The following PLD5 variants were observed in gnomAD, a reference collection of about 807,000 sequenced individuals.
PLD5 encodes inactive phospholipase D5.
In PLD5, 36 loss-of-function variants were observed where a neutral mutation model predicts 61.1. The observed-to-expected ratio is 0.59, with a 90% CI of 0.45 to 0.78. The LOEUF is 0.78. Among genes scored for constraint, PLD5 ranks in the 30% least tolerant of loss-of-function variants. The probability of loss-of-function intolerance (pLI) is 0.00; values close to 1 mark genes in which losing one functional copy is unlikely to be tolerated. For missense variants in PLD5, 515 were observed against 644.4 expected, an observed-to-expected ratio of 0.80 and a Z score of 2.17; for synonymous variants, 243 against 242.8, an observed-to-expected ratio of 1.00 and a Z score of -0.01.
intron 1 of PLD5, among the ~76,000 whole-genome samples, chr1:242,441,476 T>TA (rs1482659501): frequency 2.0e-5 from 3 of 151,808 alleles, no homozygotes; most frequent in Non-Finnish European, 4.4e-5. Flanking sequence ...TTAGTAGTCA[T>TA]AAAAAAACTT....
At chr1:242,245,947 C>G (rs921202397) in intron 4 of PLD5, among the ~76,000 whole-genome samples, 16 of 152,122 alleles carry the variant, frequency 1.1e-4, no homozygotes, top group African/African-American at 3.6e-4. Flanking sequence ...GCCCAAGTTT[C>G]TTTGAAAAAT....
At chr1:242,412,331 G>T (rs1035279343) in intron 1 of PLD5, among the ~76,000 whole-genome samples, 1 of 152,138 alleles carries the variant, frequency 6.6e-6, no homozygotes, top group Non-Finnish European at 1.5e-5. Context: ...TCAGTTGGGG[G>T]CTTAGAATTT....
chr1:242,355,519 T>A (rs1660706863), intron 1 of PLD5, among the ~76,000 whole-genome samples: 1 of 151,948 alleles, frequency 6.6e-6, no homozygotes. Context: ...TAAAGGTTTG[T>A]CAAATTTGTT....
At chr1:242,507,231 T>C (rs1353874043) in intron 1 of PLD5, among the ~76,000 whole-genome samples, 1 of 152,192 alleles carries the variant, frequency 6.6e-6, no homozygotes, top group Non-Finnish European at 1.5e-5. Context: ...CAGCAGGCCT[T>C]TGGCATTTGG....
At chr1:242,481,588 C>G (rs948417069) in intron 1 of PLD5, among the ~76,000 whole-genome samples, 15 of 152,260 alleles carry the variant, frequency 9.9e-5, no homozygotes, top group African/African-American at 3.6e-4. Context: ...GAGCCCACCA[C>G]AGCTCAAGGA....
intron 1 of PLD5, among the ~76,000 whole-genome samples, chr1:242,425,443 G>T (rs907938850): frequency 1.3e-5 from 2 of 152,152 alleles, no homozygotes; most frequent in Non-Finnish European, 2.9e-5. Context: ...TGTAGAGGGC[G>T]CATACAATAA....
At chr1:242,332,069 A>G (rs1440010925) in intron 2 of PLD5, among the ~76,000 whole-genome samples, 3 of 151,674 alleles carry the variant, frequency 2.0e-5, no homozygotes, top group Middle Eastern at 3.4e-3. Context: ...CCAGTGTGTG[A>G]TGTTCCCCTC....
At chr1:242,185,050 A>G (rs191978763) in intron 5 of PLD5, among the ~76,000 whole-genome samples, 1 of 152,310 alleles carries the variant, frequency 6.6e-6, no homozygotes, top group African/African-American at 2.4e-5. Context: ...TGCATAAAAC[A>G]ATGCCGGAAG....
Position 242,286,228 on chromosome 1 carries a change from A to G in PLD5, c.495+2134T>C, listed in dbSNP as rs145391949. ...TTCCAAATCAAGAGAAGCCCACATG[A>G]GAATCCTCACTCAGATCCAGACCTG... On this transcript the variant is annotated intron_variant, in intron 3 of 9. Coordinates refer to ENST00000536534, the MANE Select transcript of PLD5 (RefSeq NM_001372062.1). 3.5e-3 allele frequency among the ~76,000 whole-genome samples: 529 copies of G among 152,330 alleles called. 5 individuals are homozygous for G. The highest frequency in any genetic ancestry group is 0.012 in the African/African-American group (513 of 41,562).
At chr1:242,168,458 AAGT>A (rs1450489920) in intron 5 of PLD5, among the ~76,000 whole-genome samples, 1 of 149,908 alleles carries the variant, frequency 6.7e-6, no homozygotes, top group Non-Finnish European at 1.5e-5. Context: ...TTATAGTAAT[AAGT>A]AAGAATATAT....
At chr1:242,354,792 A>C (rs572882193) in intron 1 of PLD5, among the ~76,000 whole-genome samples, 1 of 149,760 alleles carries the variant, frequency 6.7e-6, no homozygotes, top group East Asian at 1.9e-4. Context: ...TATGAAGTAC[A>C]TTTCTCCTAT....
intron 2 of PLD5, among the ~76,000 whole-genome samples, chr1:242,309,455 C>A (rs1676568773): frequency 1.3e-5 from 2 of 150,914 alleles, no homozygotes; most frequent in South Asian, 4.2e-4. Context: ...TGGCACTAAA[C>A]CTCTGCCTCC....
chr1:242,170,317 A>C (rs1010783593), intron 5 of PLD5, among the ~76,000 whole-genome samples: 1 of 152,062 alleles, frequency 6.6e-6, no homozygotes, highest in African/African-American at 2.4e-5. Context: ...CCGCTAACAA[A>C]CTCCAGCAGA....
chr1:242,411,354 G>C (rs1664544154), intron 1 of PLD5, among the ~76,000 whole-genome samples: 1 of 152,180 alleles, frequency 6.6e-6, no homozygotes, highest in African/African-American at 2.4e-5. Flanking sequence ...TCCTGCCTCA[G>C]CCTCCCGAGT....
chr1:242,188,812 G>A (rs983357017), intron 5 of PLD5: 15 of 152,186 alleles, frequency 9.9e-5, no homozygotes, highest in Non-Finnish European at 1.5e-4. Flanking sequence ...TTGATATGGT[G>A]TTGCAGAAGT....
chr1:242,105,853 T>A (rs1574303823), intron 8 of PLD5, among the ~76,000 whole-genome samples: 2 of 152,178 alleles, frequency 1.3e-5, no homozygotes, highest in East Asian at 3.9e-4. Context: ...AAAGCATAAT[T>A]CATCAAGTTA....
chr1:242,508,894 A>C (rs1264904794), intron 1 of PLD5, among the ~76,000 whole-genome samples: 1 of 152,206 alleles, frequency 6.6e-6, no homozygotes, highest in Non-Finnish European at 1.5e-5. Flanking sequence ...CAGCCTGGCC[A>C]ACGTGGGAAA....
Position 242,335,595 on chromosome 1 carries a change from C to T in PLD5, c.326+12511G>A, listed in dbSNP as rs567230592. 3.3e-5 allele frequency among the ~76,000 whole-genome samples: 5 copies of T among 152,284 alleles called. No individual in the cohort carries two copies. In the South Asian group the frequency reaches 1.0e-3, roughly 32 times the overall value. ...AAATAAGAAAGCATCTGCATAGATG[C>T]TACATCTAGCCAAATGATTGAATAT... is the stretch of plus-strand genomic sequence containing the variant. On this transcript the variant is annotated intron_variant, in intron 2 of 9. Coordinates refer to ENST00000536534, the MANE Select transcript of PLD5 (RefSeq NM_001372062.1).
intron 5 of PLD5, among the ~76,000 whole-genome samples, chr1:242,157,761 G>T (rs1665502420): frequency 6.6e-6 from 1 of 151,706 alleles, no homozygotes; most frequent in African/African-American, 2.4e-5. Flanking sequence ...GAGGTGTCTG[G>T]GAGGTGTCTC....
Sources: gnomAD v4.1 joint callset for allele counts (sites outside exome capture counted in the v4.1 genomes callset) on GRCh38, gnomAD v4.1.1 for gene constraint, MANE v1.5 for transcripts, NCBI Gene and HGNC (gene_info 2026-07-23, HGNC 2026-07-21) for gene names.